The following POU2F1 variants were observed in gnomAD, a reference collection of about 807,000 sequenced individuals.
POU2F1 encodes the protein POU class 2 homeobox 1.
POU2F1 carries 16 observed loss-of-function variants against 84.9 expected under a neutral mutation model. The observed-to-expected ratio is 0.19, with a 90% CI of 0.13 to 0.29. POU2F1 has a LOEUF of 0.29. Among genes scored for constraint, POU2F1 ranks in the 10% least tolerant of loss-of-function variants. The pLI is 1.00. For synonymous variants in POU2F1, 368 were observed against 368.3 expected, an observed-to-expected ratio of 1.00 and a Z score of 0.01; for missense variants, 738 against 942.6, an observed-to-expected ratio of 0.78 and a Z score of 2.84.
intron 3 of POU2F1, among the ~76,000 whole-genome samples, chr1:167,367,335 A>T (rs1342581241): frequency 6.6e-6 from 1 of 152,182 alleles, no homozygotes; most frequent in Non-Finnish European, 1.5e-5. Context: ...GAAAATGGAA[A>T]CCTTTTGTTG....
intron 1 of POU2F1, among the ~76,000 whole-genome samples, chr1:167,265,170 G>A (rs1651853029): frequency 6.6e-6 from 1 of 152,214 alleles, no homozygotes; most frequent in Admixed American, 6.5e-5. Flanking sequence ...GTAAGTATTA[G>A]TTGAATGAGT....
rs1235703020 is a variant in POU2F1 at position 167,422,517 on chromosome 1, T to C, written c.*6707T>C. On this transcript the variant is annotated 3_prime_UTR_variant, in exon 16 of 16. Coordinates refer to ENST00000367866, the MANE Select transcript of POU2F1 (RefSeq NM_002697.4). Reference sequence around the variant, plus strand: ...TAACCTGCCCACCTCACCCCTGTGATACAAAGTGTGAACCTTAAGGATTAG... The same window carrying C: ...TAACCTGCCCACCTCACCCCTGTGACACAAAGTGTGAACCTTAAGGATTAG... 1 of 152,196 alleles carries C rather than the reference T, an allele frequency of 6.6e-6. No homozygotes were observed. Among genetic ancestry groups the C allele is most frequent in the Non-Finnish European group, 1.5e-5 (1 of 68,038 alleles). 9.4% of individuals were successfully genotyped at this position (152,196 alleles called of 1,614,324 possible). A position where few individuals can be genotyped will look rare whatever the true frequency, so the allele number is the denominator to read the frequency against.
intron 1 of POU2F1, among the ~76,000 whole-genome samples, chr1:167,327,180 A>G (rs1656761883): frequency 6.6e-6 from 1 of 152,236 alleles, no homozygotes; most frequent in African/African-American, 2.4e-5. Flanking sequence ...AAAGATGGAC[A>G]TGTTTATCCA....
intron 2 of POU2F1, among the ~76,000 whole-genome samples, chr1:167,340,581 G>A (rs1398464851): frequency 4.0e-5 from 6 of 151,492 alleles, no homozygotes; most frequent in Non-Finnish European, 5.9e-5. Flanking sequence ...ACAGGTGTGC[G>A]CCCCCACGCC....
intron 3 of POU2F1, among the ~76,000 whole-genome samples, chr1:167,366,154 T>C (rs567291606): frequency 5.3e-5 from 8 of 152,208 alleles, no homozygotes; most frequent in African/African-American, 1.9e-4. Context: ...GTAGAGGGAA[T>C]GGGAATAAAA....
chr1:167,333,172 T>C (rs956363098), intron 2 of POU2F1, among the ~76,000 whole-genome samples: 1 of 152,168 alleles, frequency 6.6e-6, no homozygotes, highest in Non-Finnish European at 1.5e-5. Flanking sequence ...GAGAAAATTA[T>C]CATATAAATG....
chr1:167,409,120 A>T (rs149038275), intron 13 of POU2F1, among the ~76,000 whole-genome samples: 1 of 152,196 alleles, frequency 6.6e-6, no homozygotes, highest in Non-Finnish European at 1.5e-5. Flanking sequence ...CCAGGGTCAC[A>T]AAGATTTTGT....
chr1:167,290,998 A>G (rs113072516), intron 1 of POU2F1, among the ~76,000 whole-genome samples: 10 of 151,656 alleles, frequency 6.6e-5, no homozygotes, highest in South Asian at 2.1e-4. Flanking sequence ...GTGAGTTACA[A>G]TTGCACCACT....
At chr1:167,228,456 G>A (rs747502104) in intron 1 of POU2F1, among the ~76,000 whole-genome samples, 5 of 152,196 alleles carry the variant, frequency 3.3e-5, no homozygotes, top group Non-Finnish European at 2.9e-5. Context: ...TAGATAAGTC[G>A]TGATAAAGGT....
chr1:167,251,637 A>G (rs1434127188), intron 1 of POU2F1, among the ~76,000 whole-genome samples: 1 of 152,136 alleles, frequency 6.6e-6, no homozygotes, highest in African/African-American at 2.4e-5. Flanking sequence ...TTTTTCCATT[A>G]AAGGGCTCAT....
At chr1:167,363,869 A>T (rs1004901189) in intron 2 of POU2F1, among the ~76,000 whole-genome samples, 6 of 152,224 alleles carry the variant, frequency 3.9e-5, no homozygotes, top group African/African-American at 1.4e-4. Context: ...CATCTGCCAG[A>T]AATTAGGATG....
In POU2F1 at chr1:167,426,551, G is replaced by A. The variant is rs896430553; in HGVS notation, c.*10741G>A. On this transcript the variant is annotated 3_prime_UTR_variant, in exon 16 of 16. Transcript: ENST00000367866. ...GTTTTCTTTTAAAGAGACAGTGATC[G>A]TGTTTTTCTAAAGATGTTTTCTTTC... 2 of 152,088 alleles carry A rather than the reference G, an allele frequency of 1.3e-5. No individual in the cohort carries two copies. The highest frequency in any genetic ancestry group is 4.8e-5 in the African/African-American group (2 of 41,438). 9.4% of individuals were successfully genotyped at this position (152,088 alleles called of 1,614,324 possible). A position where few individuals can be genotyped will look rare whatever the true frequency, so the allele number is the denominator to read the frequency against.
intron 1 of POU2F1, among the ~76,000 whole-genome samples, chr1:167,293,765 G>C (rs1170363220): frequency 6.6e-6 from 1 of 152,144 alleles, no homozygotes; most frequent in Non-Finnish European, 1.5e-5. Context: ...TCGGCATGTA[G>C]ACCAATGGAA....
At chr1:167,223,311 C>T (rs1017864574) in intron 1 of POU2F1, among the ~76,000 whole-genome samples, 25 of 152,142 alleles carry the variant, frequency 1.6e-4, no homozygotes, top group Non-Finnish European at 4.4e-5. Context: ...TATGTTTTAT[C>T]TAGACTTAGG....
chr1:167,250,657 AC>A (rs1470232536), intron 1 of POU2F1, among the ~76,000 whole-genome samples: 2 of 152,158 alleles, frequency 1.3e-5, no homozygotes, highest in Admixed American at 6.5e-5. Context: ...CCTTTAGTGG[AC>A]CCTGGAGGCA....
chr1:167,421,965 G>A lies in POU2F1; in HGVS notation c.*6155G>A, dbSNP rs1354053422. The A allele has an allele frequency of 3.9e-5, 6 of 152,206 alleles. No homozygotes were observed. Among genetic ancestry groups the A allele is most frequent in the Admixed American group, 3.9e-4 (6 of 15,276 alleles). The allele number at this position is 152,206 out of a possible 1,614,324, so 9.4% of individuals were successfully genotyped here. A position where few individuals can be genotyped will look rare whatever the true frequency, so the allele number is the denominator to read the frequency against. ...ATGTTAGAAGGAAAACATTGCTCGT[G>A]TGTGTGTTTGTTTTTTCTTATATCT... On this transcript the variant is annotated 3_prime_UTR_variant, in exon 16 of 16. Coordinates refer to ENST00000367866, the MANE Select transcript of POU2F1 (RefSeq NM_002697.4).
At position 167,371,774 on chromosome 1, in the gene POU2F1, AT is replaced by A. The variant is rs1212219076; in HGVS notation, c.283-142del. The A allele has an allele frequency of 3.5e-6, 4 of 1,150,430 alleles. No individual in the cohort carries two copies. In the Admixed American group the frequency reaches 8.9e-5, roughly 26 times the overall value. The allele number at this position is 1,150,430 out of a possible 1,614,324, so 71.3% of individuals were successfully genotyped here. On this transcript the variant is annotated intron_variant, in intron 4 of 15. Coordinates refer to ENST00000367866, the MANE Select transcript of POU2F1 (RefSeq NM_002697.4). ...AAACTTGGTATGTGAAACTAGGAAA[AT>A]ACAAATAAAAGAAAGGAGGTAAACC...
chr1:167,329,227 A>C, intron 1 of POU2F1: 1 of 1,542,836 alleles, frequency 6.5e-7, no homozygotes, highest in East Asian at 2.5e-5. Context: ...CCAAACTGCT[A>C]CCTGTTTCTT....
At chr1:167,392,944 T>G (rs904082801) in intron 9 of POU2F1, among the ~76,000 whole-genome samples, 6 of 152,244 alleles carry the variant, frequency 3.9e-5, no homozygotes, top group Non-Finnish European at 7.3e-5. Flanking sequence ...CAAAAAAAGC[T>G]CTATTCTCTG....
Sources: allele counts gnomAD v4.1 joint callset (sites outside exome capture counted in the v4.1 genomes callset), GRCh38; gene constraint gnomAD v4.1.1; transcripts MANE v1.5; gene names NCBI Gene and HGNC (gene_info 2026-07-23, HGNC 2026-07-21).